MIS18A: variants seen among roughly 807,000 people sequenced by gnomAD.
The protein encoded by MIS18A is protein Mis18-alpha.
Under a neutral mutation model 25.0 loss-of-function variants are expected in MIS18A, and 14 were observed. The observed-to-expected ratio is 0.56, with a 90% confidence interval of 0.37 to 0.88. The LOEUF is 0.88. Ranked by LOEUF, MIS18A falls within the 40% of genes least tolerant of loss-of-function variation. The pLI, the probability that MIS18A is intolerant of heterozygous loss-of-function variation, is 0.00. For synonymous variants in MIS18A, 134 were observed against 118.6 expected, an observed-to-expected ratio of 1.13 and a Z score of -0.84; for missense variants, 292 against 290.8, an observed-to-expected ratio of 1.00 and a Z score of -0.03.
At chr21:32,207,272 A>AGAT in the MIS18A span, among the ~76,000 whole-genome samples, 1 of 152,358 alleles carries the variant, frequency 6.6e-6, no homozygotes, top group South Asian at 2.1e-4. Flanking sequence ...TCGTCTAGAA[A>AGAT]GATAATGATA....
intron 3 of MIS18A, 131 bp from the exon 4 acceptor site, chr21:32,269,934 C>T (rs753132808): frequency 1.9e-5 from 12 of 627,592 alleles, no homozygotes; most frequent in South Asian, 5.7e-5. Context: ...CAACACAAGA[C>T]CCCGGGCAAT....
At chr21:32,221,591 A>G in the MIS18A span, among the ~76,000 whole-genome samples, 1 of 151,604 alleles carries the variant, frequency 6.6e-6, no homozygotes, top group African/African-American at 2.4e-5. Context: ...AAAATAAACA[A>G]CTAGTGGTCC....
downstream of MIS18A, among the ~76,000 whole-genome samples, chr21:32,265,446 C>T (rs1349949719): frequency 6.6e-6 from 1 of 152,222 alleles, no homozygotes; most frequent in Non-Finnish European, 1.5e-5. Flanking sequence ...GCCCTGCTGG[C>T]CCCGGGCAAT....
the MIS18A span, among the ~76,000 whole-genome samples, chr21:32,222,479 C>A: frequency 1.3e-5 from 2 of 152,202 alleles, no homozygotes; most frequent in African/African-American, 4.8e-5. Flanking sequence ...ACCAAATCAA[C>A]AGAATATACA....
At chr21:32,196,061 T>C in the MIS18A span, among the ~76,000 whole-genome samples, 22 of 152,110 alleles carry the variant, frequency 1.4e-4, no homozygotes, top group East Asian at 3.9e-3. Flanking sequence ...TGGTTACTTT[T>C]ATGTGTCAGC....
downstream of MIS18A, among the ~76,000 whole-genome samples, chr21:32,267,018 C>G (rs575428676): frequency 6.6e-6 from 1 of 151,918 alleles, no homozygotes; most frequent in Non-Finnish European, 1.5e-5. Flanking sequence ...TCACAGAAAG[C>G]CAGAAAAGCC....
the MIS18A span, among the ~76,000 whole-genome samples, chr21:32,179,332 T>G: frequency 4.6e-5 from 7 of 152,208 alleles, no homozygotes; most frequent in Non-Finnish European, 7.3e-5. Flanking sequence ...GATTCTTGGC[T>G]GTCTTTGGGA....
chr21:32,167,246 A>G, the MIS18A span, among the ~76,000 whole-genome samples: 1 of 152,180 alleles, frequency 6.6e-6, no homozygotes, highest in South Asian at 2.1e-4. Flanking sequence ...TATTATGTAC[A>G]ACATCCAGCC....
intron 1 of MIS18A, 127 bp from the exon 2 acceptor site, chr21:32,275,023 A>G (rs977519013): frequency 1.4e-6 from 1 of 722,172 alleles, no homozygotes; most frequent in Non-Finnish European, 2.3e-6. Context: ...TCAAACACAC[A>G]AAAGAGCGGT....
the MIS18A span, among the ~76,000 whole-genome samples, chr21:32,250,590 G>A: frequency 6.6e-6 from 1 of 152,188 alleles, no homozygotes. Context: ...AGGCTGTCCT[G>A]AGGAACTCTC....
At chr21:32,189,885 T>G in the MIS18A span, among the ~76,000 whole-genome samples, 1 of 152,320 alleles carries the variant, frequency 6.6e-6, no homozygotes, top group African/African-American at 2.4e-5. Context: ...CTGGGATACC[T>G]GGAGCAACGT....
At chr21:32,178,576 T>C in the MIS18A span, among the ~76,000 whole-genome samples, 1 of 152,208 alleles carries the variant, frequency 6.6e-6, no homozygotes, top group South Asian at 2.1e-4. Context: ...TATCTTAATG[T>C]TGTCTTGATG....
At chr21:32,165,400 A>G in the MIS18A span, among the ~76,000 whole-genome samples, 1 of 150,380 alleles carries the variant, frequency 6.6e-6, no homozygotes, top group African/African-American at 2.5e-5. Flanking sequence ...TGAGTACTAA[A>G]TTAATTAATT....
chr21:32,165,060 A>G, the MIS18A span, among the ~76,000 whole-genome samples: 1 of 152,228 alleles, frequency 6.6e-6, no homozygotes, highest in African/African-American at 2.4e-5. Flanking sequence ...TTGGCCGGGC[A>G]CGGTGGCTCA....
At chr21:32,162,629 TG>T in the MIS18A span, among the ~76,000 whole-genome samples, 1 of 152,204 alleles carries the variant, frequency 6.6e-6, no homozygotes, top group African/African-American at 2.4e-5. Flanking sequence ...TAATCAGACA[TG>T]GAACTTCTCT....
At chr21:32,262,114 G>A in the MIS18A span, among the ~76,000 whole-genome samples, 1 of 152,222 alleles carries the variant, frequency 6.6e-6, no homozygotes, top group Non-Finnish European at 1.5e-5. Context: ...GCAATTTAAA[G>A]TCTCTGAGCC....
chr21:32,247,081 T>C, the MIS18A span, among the ~76,000 whole-genome samples: 1 of 152,174 alleles, frequency 6.6e-6, no homozygotes, highest in African/African-American at 2.4e-5. Flanking sequence ...ACCAATTATT[T>C]ACCCTTCACT....
At chr21:32,247,853 G>A in the MIS18A span, among the ~76,000 whole-genome samples, 1 of 152,174 alleles carries the variant, frequency 6.6e-6, no homozygotes, top group East Asian at 1.9e-4. Context: ...CTCAATCTGT[G>A]GTATCTTGTT....
the MIS18A span, among the ~76,000 whole-genome samples, chr21:32,169,955 C>T: frequency 2.0e-5 from 3 of 151,794 alleles, no homozygotes; most frequent in Admixed American, 6.6e-5. Flanking sequence ...CCAGTATTCA[C>T]AAAAAAGTAT....
Sources: allele counts gnomAD v4.1 joint callset (sites outside exome capture counted in the v4.1 genomes callset), GRCh38; gene constraint gnomAD v4.1.1; transcripts MANE v1.5; gene names NCBI Gene and HGNC (gene_info 2026-07-23, HGNC 2026-07-21).